Variants in TAOK3 observed in about 807,000 individuals in gnomAD.
TAOK3 encodes the protein serine/threonine-protein kinase TAO3.
TAOK3 carries 40 observed loss-of-function variants against 120.4 expected under a neutral mutation model. The observed-to-expected ratio is 0.33, with a 90% CI of 0.26 to 0.43. TAOK3 has a LOEUF of 0.43. Among genes scored for constraint, TAOK3 ranks in the 20% least tolerant of loss-of-function variants. TAOK3 has a pLI of 1.00. For missense variants in TAOK3, 821 were observed against 1,112.1 expected (o/e 0.74, Z 3.72); for synonymous variants, 355 against 387.5 (o/e 0.92, Z 0.99).
chr12:118,232,357 A>T (rs1403870146), intron 9 of TAOK3, among the ~76,000 whole-genome samples: 1 of 152,226 alleles, frequency 6.6e-6, no homozygotes, highest in Non-Finnish European at 1.5e-5. Flanking sequence ...CTTATAACAC[A>T]AAGTTTTCTT....
At chr12:118,319,455 C>T (rs986710419) in intron 1 of TAOK3, among the ~76,000 whole-genome samples, 1 of 151,310 alleles carries the variant, frequency 6.6e-6, no homozygotes, top group Non-Finnish European at 1.5e-5. Context: ...TAATCTACAA[C>T]ATATAAAGAA....
In TAOK3 at chr12:118,233,736, T is replaced by C; in HGVS notation, c.581A>G (p.Asp194Gly). ...WMAPEVILAM[D>G]EGQYDGKVDI... ...AACTTTCCCATCATACTGTCCTTCATCCATAGCTAAGATCACCTCTGGAGC... is the reference window on the plus strand; with the variant it reads ...AACTTTCCCATCATACTGTCCTTCACCCATAGCTAAGATCACCTCTGGAGC... Residue 194 changes from aspartate (D) to glycine (G), a missense_variant, in exon 9 of 21, where the codon GAT becomes GGT. Coordinates refer to ENST00000392533, the MANE Select transcript of TAOK3 (RefSeq NM_016281.4). The C allele has an allele frequency of 6.2e-7, 1 of 1,608,224 alleles. No homozygotes were observed. The highest frequency in any genetic ancestry group is 8.5e-7 in the Non-Finnish European group (1 of 1,177,658).
Position 118,253,331 on chromosome 12 carries a change from T to G in TAOK3, c.120+2117A>C, listed in dbSNP as rs1029657087. 3.3e-5 allele frequency among the ~76,000 whole-genome samples: 5 copies of G among 152,230 alleles called. No individual in the cohort carries two copies. In the East Asian group the frequency reaches 9.6e-4, roughly 29 times the overall value. ...AAATGGAAGAGTCAGTAATGTTTGATTACAAAGAAATTATTTGATTACAAG... is the reference window on the plus strand; with the variant it reads ...AAATGGAAGAGTCAGTAATGTTTGAGTACAAAGAAATTATTTGATTACAAG... On this transcript the variant is annotated intron_variant, in intron 3 of 20. Coordinates refer to ENST00000392533, the MANE Select transcript of TAOK3 (RefSeq NM_016281.4).
rs561742739 is a variant in TAOK3, at chr12:118,349,449, C to T, written c.-194+23199G>A. On this transcript the variant is annotated intron_variant, in intron 1 of 20. Transcript: ENST00000392533. ...ATAAAAAGGAATCATCACTGATGTA[C>T]GCTACAATGTGGATGAATCTTGAAA... Among the ~76,000 whole-genome samples, 13 of 152,236 alleles carry T rather than the reference C, an allele frequency of 8.5e-5. No individual in the cohort carries two copies. The South Asian group carries it at 1.0e-3, about 12-fold the overall frequency.
rs1276962566 is a variant in TAOK3 at position 118,166,538 on chromosome 12, C to CA, written c.1900-4512dup. Among the ~76,000 whole-genome samples, 363 of 66,216 alleles carry CA rather than the reference C, an allele frequency of 5.5e-3. 2 individuals carry two copies. Among genetic ancestry groups the CA allele is most frequent in the African/African-American group, 7.7e-3 (139 of 18,054 alleles). 43.4% of individuals were successfully genotyped at this position (66,216 alleles called of 152,430 possible). The stretch of plus-strand genomic sequence containing the variant: ...GGGCAACAAGAGCGAAACTCCGTCT[C>CA]AAAAAAAAAAAAAAAAAGTTCTAAT... On this transcript the variant is annotated intron_variant, in intron 17 of 20. Transcript: ENST00000392533.
chr12:118,317,073 G>A lies in TAOK3; in HGVS notation c.-193-50314C>T, dbSNP rs12810888. ...AGCTCAGGAGTTCGAGACCAGCCTGGCCAACATGGCGAAGCCCCGTCTCTA... is the reference window on the plus strand; with the variant it reads ...AGCTCAGGAGTTCGAGACCAGCCTGACCAACATGGCGAAGCCCCGTCTCTA... On this transcript the variant is annotated intron_variant, in intron 1 of 20. Coordinates refer to ENST00000392533, the MANE Select transcript of TAOK3 (RefSeq NM_016281.4). Among the ~76,000 whole-genome samples the A allele has an allele frequency of 4.3e-3, 659 of 152,024 alleles. 6 individuals are homozygous for A. The highest frequency in any genetic ancestry group is 0.016 in the African/African-American group (645 of 41,494).
At chr12:118,278,321 T>C (rs1211779514) in intron 1 of TAOK3, among the ~76,000 whole-genome samples, 3 of 152,124 alleles carry the variant, frequency 2.0e-5, no homozygotes, top group Admixed American at 2.0e-4. Context: ...TAGGCCCTGG[T>C]GTCTGTGATT....
At chr12:118,174,878 T>G (rs1336639905) in intron 16 of TAOK3, among the ~76,000 whole-genome samples, 1 of 152,096 alleles carries the variant, frequency 6.6e-6, no homozygotes, top group Non-Finnish European at 1.5e-5. Context: ...GCCAGGCTGG[T>G]CTTGAACTCC....
At chr12:118,182,135 A>G (rs1181884835) in intron 14 of TAOK3, among the ~76,000 whole-genome samples, 1 of 152,194 alleles carries the variant, frequency 6.6e-6, no homozygotes, top group Non-Finnish European at 1.5e-5. Flanking sequence ...CAGTGAGCTA[A>G]GATCACTCCA....
chr12:118,270,837 G>C (rs1019739718), intron 1 of TAOK3, among the ~76,000 whole-genome samples: 10 of 151,864 alleles, frequency 6.6e-5, no homozygotes, highest in African/African-American at 2.2e-4. Context: ...ACCACGCCCA[G>C]CTAATTTTTT....
At chr12:118,232,827 C>T (rs2039841219) in intron 9 of TAOK3, among the ~76,000 whole-genome samples, 1 of 152,048 alleles carries the variant, frequency 6.6e-6, no homozygotes, top group African/African-American at 2.4e-5. Flanking sequence ...ATTGCTTGAA[C>T]TTAGGAGGTG....
At chr12:118,189,645 C>A (rs1224114237) in intron 14 of TAOK3, among the ~76,000 whole-genome samples, 162 bp downstream of exon 14, 1 of 148,866 alleles carries the variant, frequency 6.7e-6, no homozygotes. Context: ...GCTATGCCAA[C>A]AGATTTTTTT....
chr12:118,194,393 G>A lies in TAOK3; in HGVS notation c.1195-4452C>T, dbSNP rs373650348. On this transcript the variant is annotated intron_variant, in intron 13 of 20. Coordinates refer to ENST00000392533, the MANE Select transcript of TAOK3 (RefSeq NM_016281.4). ...GGAAGGATAGTTGGAGAGAAAAGATGACTAGCAAAAGGCTGAGGAGAAAGA... is the reference window on the plus strand; with the variant it reads ...GGAAGGATAGTTGGAGAGAAAAGATAACTAGCAAAAGGCTGAGGAGAAAGA... 2.6e-5 allele frequency among the ~76,000 whole-genome samples: 4 copies of A among 152,290 alleles called. No individual in the cohort carries two copies. In the East Asian group the frequency reaches 7.7e-4, roughly 29 times the overall value.
chr12:118,351,861 GTTCT>G (rs2045173313), intron 1 of TAOK3, among the ~76,000 whole-genome samples: 1 of 120,628 alleles, frequency 8.3e-6, no homozygotes, highest in African/African-American at 3.0e-5. Context: ...TTAATCTATA[GTTCT>G]TTTTTTTTTT....
chr12:118,291,404 G>A (rs554657462), intron 1 of TAOK3, among the ~76,000 whole-genome samples: 27 of 151,932 alleles, frequency 1.8e-4, no homozygotes, highest in Non-Finnish European at 3.7e-4. Flanking sequence ...TAGGTGATTC[G>A]CCCGCCTCGG....
In TAOK3 at chr12:118,160,316, T is replaced by C; in HGVS notation, c.2182A>G (p.Lys728Glu). The C allele has an allele frequency of 1.2e-6, 2 of 1,614,206 alleles. No homozygotes were observed. The highest frequency in any genetic ancestry group is 1.7e-6 in the Non-Finnish European group (2 of 1,180,022). ...QIKKQFQDTCKVQTKQYKALK... is the reference protein window; with the variant it reads ...QIKKQFQDTCEVQTKQYKALK... ...GCTTTATACTGTTTGGTCTGTACTT[T>C]GCAAGTGTCCTGAAACTGTTTTTTA... The change falls in exon 19 of 21, where the codon AAA (lysine) becomes GAA (glutamate). Residue 728 changes from lysine to glutamate, a missense_variant. Transcript: ENST00000392533. The surrounding 1 kb of genome is among the most constrained non-coding windows in gnomAD (Gnocchi z 4.2).
chr12:118,264,257 T>C (rs922078837), intron 2 of TAOK3, among the ~76,000 whole-genome samples: 2 of 152,222 alleles, frequency 1.3e-5, no homozygotes, highest in Non-Finnish European at 2.9e-5. Flanking sequence ...TGAAAGCTTA[T>C]GTCAATACAA....
chr12:118,338,302 T>C (rs1261091323), intron 1 of TAOK3, among the ~76,000 whole-genome samples: 1 of 152,186 alleles, frequency 6.6e-6, no homozygotes, highest in Non-Finnish European at 1.5e-5. Flanking sequence ...CTTTAACATA[T>C]GTGTCCTTCA....
In TAOK3 at chr12:118,161,637, A is replaced by G; in HGVS notation, c.2139+151T>C. ...ACATCTCCTTTTCAGGAGCTTAAATATAGACTCTGTGCTTTGCAACTGGAG... is the reference window on the plus strand; with the variant it reads ...ACATCTCCTTTTCAGGAGCTTAAATGTAGACTCTGTGCTTTGCAACTGGAG... On this transcript the variant is annotated intron_variant, in intron 18 of 20. Transcript: ENST00000392533. This position sits in a 1 kb window ranked among gnomAD's most constrained non-coding sequence, Gnocchi z 4.5. 9.6e-7 allele frequency: 1 copy of G among 1,039,306 alleles called. No individual in the cohort carries two copies. Among genetic ancestry groups the G allele is most frequent in the South Asian group, 1.6e-5 (1 of 63,338 alleles). The allele number at this position is 1,039,306 out of a possible 1,614,324, so 64.4% of individuals were successfully genotyped here.
Sources: gnomAD v4.1 joint callset for allele counts (sites outside exome capture counted in the v4.1 genomes callset) on GRCh38, gnomAD v4.1.1 for gene constraint, Gnocchi (gnomAD v3.1) non-coding constraint, MANE v1.5 for transcripts, NCBI Gene and HGNC (gene_info 2026-07-23, HGNC 2026-07-21) for gene names.